Variants in ADAM29 observed in about 807,000 individuals in gnomAD.
ADAM29 encodes disintegrin and metalloproteinase domain-containing protein 29.
For synonymous variants in ADAM29, 367 were observed against 342.3 expected, an observed-to-expected ratio of 1.07 and a Z score of -0.80; for missense variants, 969 against 1,001.8, an observed-to-expected ratio of 0.97 and a Z score of 0.44.
At chr4:174,970,566 C>T (rs184540839) in intron 4 of ADAM29, among the ~76,000 whole-genome samples, 29 of 152,268 alleles carry the variant, frequency 1.9e-4, no homozygotes, top group African/African-American at 7.0e-4. Flanking sequence ...CTCAGTCCTG[C>T]TGACACTTTC....
rs528060253 is a variant in ADAM29, at chr4:174,960,068, C to T, written c.-180-15278C>T. ...TTTTAAAAATAAACTTATCATTTCA[C>T]CTAAGTATTCATAAAGGTGTTATGA... On this transcript the variant is annotated intron_variant, in intron 4 of 4. Coordinates refer to ENST00000359240, the MANE Select transcript of ADAM29 (RefSeq NM_014269.4). Among the ~76,000 whole-genome samples the T allele has an allele frequency of 3.9e-5, 6 of 152,004 alleles. No homozygotes were observed. The South Asian group carries it at 1.0e-3, about 26-fold the overall frequency.
chr4:174,925,344 A>G (rs912178637), intron 2 of ADAM29, among the ~76,000 whole-genome samples: 26 of 130,968 alleles, frequency 2.0e-4, no homozygotes, highest in African/African-American at 6.0e-4. Flanking sequence ...ATGGAGATAC[A>G]TGAAACTCTG....
At chr4:174,953,024 C>T (rs1035462363) in intron 4 of ADAM29, among the ~76,000 whole-genome samples, 5 of 152,186 alleles carry the variant, frequency 3.3e-5, no homozygotes, top group South Asian at 4.1e-4. Flanking sequence ...CGATGGCTCA[C>T]GCCTGTAATC....
At chr4:174,971,753 T>G (rs1210297748) in intron 4 of ADAM29, among the ~76,000 whole-genome samples, 1 of 152,192 alleles carries the variant, frequency 6.6e-6, no homozygotes, top group Non-Finnish European at 1.5e-5. Flanking sequence ...TCCTCAGATT[T>G]GGGAAGTGTT....
intron 2 of ADAM29, among the ~76,000 whole-genome samples, chr4:174,929,269 C>CT (rs1360816919): frequency 5.3e-5 from 8 of 152,136 alleles, no homozygotes; most frequent in African/African-American, 1.9e-4. Flanking sequence ...TTTGTACCAC[C>CT]TTTTTGAAGC....
At chr4:174,949,793 C>T (rs6841560) in intron 4 of ADAM29, among the ~76,000 whole-genome samples, 16 of 151,690 alleles carry the variant, frequency 1.1e-4, no homozygotes, top group African/African-American at 3.4e-4. Flanking sequence ...TGCATCCATC[C>T]GCATTTAAAA....
intron 3 of ADAM29, among the ~76,000 whole-genome samples, chr4:174,932,463 G>A (rs1313713980): frequency 1.3e-5 from 2 of 152,098 alleles, no homozygotes; most frequent in Non-Finnish European, 1.5e-5. Context: ...ATCCTCACAT[G>A]GTAGCAAGGA....
chr4:174,976,962 T>G lies in ADAM29; in HGVS notation c.1437T>G (p.Phe479Leu). The change falls in exon 5 of 5, where the codon TTT becomes TTG. Residue 479 changes from phenylalanine (F) to leucine (L), a missense_variant. Physicochemically the swap from Phe to Leu is conservative, Grantham distance 22. Transcript: ENST00000359240. ...NGTSHKCPDDFYVEDGIPCKE... is the reference protein window; with the variant it reads ...NGTSHKCPDDLYVEDGIPCKE... ...CTTCCCATAAGTGCCCAGATGACTTTTATGTGGAAGATGGAATTCCCTGTA... is the reference window on the plus strand; with the variant it reads ...CTTCCCATAAGTGCCCAGATGACTTGTATGTGGAAGATGGAATTCCCTGTA... 6.2e-7 allele frequency: 1 copy of G among 1,614,108 alleles called. No homozygotes were observed. Among genetic ancestry groups the G allele is most frequent in the African/African-American group, 1.3e-5 (1 of 75,018 alleles).
At chr4:174,930,846 C>T (rs1743820910) in intron 2 of ADAM29, 140 bp from the exon 3 acceptor site, 1 of 152,068 alleles carries the variant, frequency 6.6e-6, no homozygotes, top group Admixed American at 6.6e-5. Context: ...CCATGTACTT[C>T]AGAAAGCTGT....
chr4:174,928,123 AC>A (rs911590891), intron 2 of ADAM29, among the ~76,000 whole-genome samples: 18 of 152,032 alleles, frequency 1.2e-4, no homozygotes, highest in African/African-American at 4.1e-4. Context: ...GTATACAAAA[AC>A]CTTCATTTTC....
Position 174,977,074 on chromosome 4 carries a change from A to C in ADAM29, c.1549A>C (p.Ser517Arg). 6.2e-7 allele frequency: 1 copy of C among 1,614,134 alleles called. No homozygotes were observed. The highest frequency in any genetic ancestry group is 8.5e-7 in the Non-Finnish European group (1 of 1,180,004). The change falls in exon 5 of 5, where the codon AGT becomes CGT. Residue 517 changes from serine to arginine, a missense_variant. Transcript: ENST00000359240. ...RIFGAGANTA[S>R]ETCYKELNTL... Reference sequence around the variant, plus strand: ...TTTTGGTGCAGGCGCAAATACTGCAAGTGAGACTTGCTACAAAGAATTGAA... The same window carrying C: ...TTTTGGTGCAGGCGCAAATACTGCACGTGAGACTTGCTACAAAGAATTGAA...
At chr4:174,969,627 G>T (rs1302489990) in intron 4 of ADAM29, among the ~76,000 whole-genome samples, 2 of 151,830 alleles carry the variant, frequency 1.3e-5, no homozygotes, top group East Asian at 1.9e-4. Flanking sequence ...ATACATAAAA[G>T]AATGCTATAC....
chr4:174,969,681 C>T, intron 4 of ADAM29, among the ~76,000 whole-genome samples: 1 of 151,900 alleles, frequency 6.6e-6, no homozygotes, highest in East Asian at 1.9e-4. Context: ...TTATTTTTAT[C>T]ATGCTTTTAC....
chr4:174,978,006 G>A lies in ADAM29; in HGVS notation c.*18G>A, dbSNP rs200412517. The A allele has an allele frequency of 8.7e-6, 14 of 1,602,642 alleles. No individual in the cohort carries two copies. The highest frequency in any genetic ancestry group is 8.5e-5 in the Admixed American group (5 of 59,146). ...CCTCCTAGAGCCAACCTCAGTTGAT[G>A]CCTTCCCAGAGTCAACCTCCTGTGA... On this transcript the variant is annotated 3_prime_UTR_variant, in exon 5 of 5. Coordinates refer to ENST00000359240, the MANE Select transcript of ADAM29 (RefSeq NM_014269.4).
At chr4:174,941,139 G>C (rs1005170973) in intron 4 of ADAM29, among the ~76,000 whole-genome samples, 3 of 152,094 alleles carry the variant, frequency 2.0e-5, no homozygotes, top group Admixed American at 1.3e-4. Context: ...GTATAAAAAA[G>C]AAGAAATTTC....
intron 2 of ADAM29, among the ~76,000 whole-genome samples, chr4:174,922,302 A>G (rs1164281045): frequency 6.6e-6 from 1 of 152,218 alleles, no homozygotes; most frequent in Non-Finnish European, 1.5e-5. Context: ...AAGAGAAAAA[A>G]GCTGAGCAAA....
At chr4:174,922,016 A>G (rs547980053) in intron 2 of ADAM29, among the ~76,000 whole-genome samples, 3 of 152,264 alleles carry the variant, frequency 2.0e-5, no homozygotes, top group East Asian at 1.9e-4. Flanking sequence ...TGAGTCTCCA[A>G]CTACTAAATT....
At chr4:174,945,180 C>G (rs1480418243) in intron 4 of ADAM29, among the ~76,000 whole-genome samples, 1 of 152,000 alleles carries the variant, frequency 6.6e-6, no homozygotes, top group Non-Finnish European at 1.5e-5. Context: ...TATTATTTTA[C>G]TTTTTAATAA....
At chr4:174,924,907 C>T (rs1339827294) in intron 2 of ADAM29, among the ~76,000 whole-genome samples, 2 of 152,168 alleles carry the variant, frequency 1.3e-5, no homozygotes, top group African/African-American at 4.8e-5. Flanking sequence ...GAGAAATGGA[C>T]AAATCTACCT....
Sources: allele counts gnomAD v4.1 joint callset (sites outside exome capture counted in the v4.1 genomes callset), GRCh38; gene constraint gnomAD v4.1.1; transcripts MANE v1.5; gene names NCBI Gene and HGNC (gene_info 2026-07-23, HGNC 2026-07-21).